The following STIM1 variants were observed in gnomAD, a reference collection of about 807,000 sequenced individuals.
STIM1 encodes the protein stromal interaction molecule 1.
In STIM1, 25 loss-of-function variants were observed where a neutral mutation model predicts 74.7. The ratio of observed to expected loss-of-function variants is 0.33; its 90% CI spans 0.24 to 0.47. The LOEUF is 0.47. Ranked by LOEUF, STIM1 falls within the 20% of genes least tolerant of loss-of-function variation. The probability of loss-of-function intolerance (pLI) is 1.00; values close to 1 mark genes in which losing one functional copy is unlikely to be tolerated. For missense variants in STIM1, 728 were observed against 920.8 expected (o/e 0.79, Z 2.71); for synonymous variants, 328 against 348.8 (o/e 0.94, Z 0.66).
chr11:3,941,585 A>ATGTGTGTGTGTGTGTG (rs111336047), intron 1 of STIM1, among the ~76,000 whole-genome samples: 4 of 139,578 alleles, frequency 2.9e-5, no homozygotes, highest in Non-Finnish European at 6.2e-5. Context: ...AAGCATATAT[A>ATGTGTGTGTGTGTGTG]TGTGTGTGTG....
intron 8 of STIM1, 133 bp from the exon 9 acceptor site, chr11:4,082,749 C>G: frequency 1.4e-6 from 1 of 734,330 alleles, no homozygotes; most frequent in South Asian, 1.7e-5. Context: ...TCTTTTTCCT[C>G]TTTCTCTTCC....
Position 4,091,621 on chromosome 11 carries a change from A to G in STIM1, c.1974A>G (p.Pro658=), listed in dbSNP as rs201051821. The G allele has an allele frequency of 1.7e-5, 28 of 1,614,094 alleles. No individual in the cohort carries two copies. The highest frequency in any genetic ancestry group is 3.3e-5 in the Admixed American group (2 of 60,008). ...CCAGCTCCCCAGACCCAGACACACCATCTCCAGTTGGGGACAGCCGAGCCC... is the reference window on the plus strand; with the variant it reads ...CCAGCTCCCCAGACCCAGACACACCGTCTCCAGTTGGGGACAGCCGAGCCC... ...HSPSSPDPDT[P]SPVGDSRALQ... The change falls in exon 13 of 13, where the codon CCA becomes CCG. Residue 658 remains proline (P), a synonymous_variant. Transcript: ENST00000526596.
At chr11:3,870,806 G>A (rs979042261) in intron 1 of STIM1, among the ~76,000 whole-genome samples, 1 of 150,330 alleles carries the variant, frequency 6.7e-6, no homozygotes, top group East Asian at 2.0e-4. Flanking sequence ...CTACATCTCC[G>A]ATTTTCTAGT....
chr11:4,046,550 G>A (rs949509394), intron 3 of STIM1, among the ~76,000 whole-genome samples: 1 of 152,164 alleles, frequency 6.6e-6, no homozygotes, highest in Non-Finnish European at 1.5e-5. Flanking sequence ...TTAAGAGATT[G>A]GAGCATTCTT....
chr11:4,054,902 T>C (rs1290608981), intron 3 of STIM1, among the ~76,000 whole-genome samples: 1 of 152,196 alleles, frequency 6.6e-6, no homozygotes, highest in Non-Finnish European at 1.5e-5. Flanking sequence ...GGCAGTTATT[T>C]CCTTTCTTCT....
intron 2 of STIM1, among the ~76,000 whole-genome samples, chr11:3,982,960 C>G (rs1227522715): frequency 6.6e-6 from 1 of 152,030 alleles, no homozygotes; most frequent in Non-Finnish European, 1.5e-5. Flanking sequence ...GAGACAGGGT[C>G]TTGCTCTGTC....
chr11:3,867,873 CAGG>C (rs2090921040), intron 1 of STIM1, among the ~76,000 whole-genome samples: 1 of 152,114 alleles, frequency 6.6e-6, no homozygotes, highest in South Asian at 2.1e-4. Flanking sequence ...GGCAGGCAAG[CAGG>C]CAGGCTTTCA....
At chr11:3,975,897 G>A (rs1202574709) in intron 2 of STIM1, among the ~76,000 whole-genome samples, 1 of 152,218 alleles carries the variant, frequency 6.6e-6, no homozygotes, top group Non-Finnish European at 1.5e-5. Flanking sequence ...TGATGGGAAT[G>A]CAAGATGATA....
rs536686845 is a variant in STIM1, at chr11:3,997,597, C to G, written c.271-26276C>G. On this transcript the variant is annotated intron_variant, in intron 2 of 12. Coordinates refer to ENST00000526596, the MANE Select transcript of STIM1 (RefSeq NM_001382567.1). Reference sequence around the variant, plus strand: ...AGTCACTGACACATAATCCGGATCTCAACAGATGACTAGGAGTGATAAGGA... The same window carrying G: ...AGTCACTGACACATAATCCGGATCTGAACAGATGACTAGGAGTGATAAGGA... 1.4e-3 allele frequency among the ~76,000 whole-genome samples: 211 copies of G among 152,268 alleles called. 1 individual carries two copies. The highest frequency in any genetic ancestry group is 4.8e-3 in the African/African-American group (199 of 41,548).
intron 1 of STIM1, among the ~76,000 whole-genome samples, chr11:3,955,165 A>G (rs1385826237): frequency 6.6e-6 from 1 of 152,218 alleles, no homozygotes; most frequent in Non-Finnish European, 1.5e-5. Context: ...AAATTCTAGA[A>G]CAGGCAAAAC....
intron 3 of STIM1, among the ~76,000 whole-genome samples, chr11:4,035,267 T>TG (rs1491416734): frequency 1.3e-5 from 1 of 78,788 alleles, no homozygotes; most frequent in Non-Finnish European, 3.4e-5. Flanking sequence ...GTGTATTGTG[T>TG]TTTTTTTTTT....
chr11:3,895,716 TTCTTTCTTTCTTTCTTTC>T (rs2092103074), intron 1 of STIM1, among the ~76,000 whole-genome samples: 1 of 38,058 alleles, frequency 2.6e-5, no homozygotes, highest in Non-Finnish European at 4.6e-5. Context: ...CTTTCTTTCT[TTCTTTCTTTCTTTCTTTC>T]TTTTTCTTTC....
At chr11:4,088,015 A>G (rs2094503385) in intron 12 of STIM1, among the ~76,000 whole-genome samples, 1 of 152,052 alleles carries the variant, frequency 6.6e-6, no homozygotes, top group Non-Finnish European at 1.5e-5. Context: ...TAGCTAGTTG[A>G]GAGCAGAGCA....
Position 3,870,058 on chromosome 11 carries a change from T to C in STIM1, c.139+13649T>C, listed in dbSNP as rs969603147. Among the ~76,000 whole-genome samples the C allele has an allele frequency of 3.3e-5, 5 of 152,164 alleles. No individual in the cohort carries two copies. In the East Asian group the frequency reaches 7.7e-4, roughly 23 times the overall value. ...ATTAGTGGTGGGGTAGCTGAACTTA[T>C]TTGAAGTGCTGGGCAAGGGGCTACA... On this transcript the variant is annotated intron_variant, in intron 1 of 12. Coordinates refer to ENST00000526596, the MANE Select transcript of STIM1 (RefSeq NM_001382567.1).
intron 1 of STIM1, among the ~76,000 whole-genome samples, chr11:3,936,233 A>T (rs923498224): frequency 3.3e-5 from 5 of 152,216 alleles, no homozygotes; most frequent in African/African-American, 1.2e-4. Context: ...ATTTGAATCC[A>T]TGCTGTGTGA....
chr11:4,000,647 A>C (rs900697488), intron 2 of STIM1, among the ~76,000 whole-genome samples: 28 of 152,228 alleles, frequency 1.8e-4, no homozygotes, highest in Admixed American at 6.5e-4. Context: ...AAAACAGAGC[A>C]GAAAAACTGG....
intron 5 of STIM1, among the ~76,000 whole-genome samples, chr11:4,060,545 G>T (rs963330352): frequency 2.0e-5 from 3 of 152,120 alleles, no homozygotes; most frequent in Non-Finnish European, 4.4e-5. Flanking sequence ...TTTTTTGGGG[G>T]AGTGGAGGGT....
chr11:3,937,512 T>C (rs1164061848), intron 1 of STIM1, among the ~76,000 whole-genome samples: 2 of 152,182 alleles, frequency 1.3e-5, no homozygotes, highest in Non-Finnish European at 2.9e-5. Flanking sequence ...TTTTAGCTTC[T>C]GTTGGTGTTG....
chr11:3,958,541 A>C (rs1445647195), intron 1 of STIM1, among the ~76,000 whole-genome samples: 1 of 152,126 alleles, frequency 6.6e-6, no homozygotes, highest in Admixed American at 6.5e-5. Flanking sequence ...AGATAGGCTG[A>C]GTTTTGCCTA....
Sources: gnomAD v4.1 joint callset for allele counts (sites outside exome capture counted in the v4.1 genomes callset) on GRCh38, gnomAD v4.1.1 for gene constraint, MANE v1.5 for transcripts, NCBI Gene and HGNC (gene_info 2026-07-23, HGNC 2026-07-21) for gene names.